Variants in KIAA1671 observed in about 807,000 individuals in gnomAD.
KIAA1671 encodes the protein uncharacterized protein KIAA1671.
A neutral mutation model predicts 131.2 loss-of-function variants in KIAA1671; 52 were observed. The ratio of observed to expected loss-of-function variants is 0.40; its 90% CI spans 0.32 to 0.50. The LOEUF (loss-of-function observed/expected upper bound fraction) is 0.50, where lower values mean the gene tolerates loss of function less well. KIAA1671 is among the 20% of genes least tolerant of loss of function. The pLI, the probability that KIAA1671 is intolerant of heterozygous loss-of-function variation, is 0.73. For synonymous variants in KIAA1671, 1,003 were observed against 961.6 expected (o/e 1.04, Z -0.80); for missense variants, 2,360 against 2,364.2 (o/e 1.00, Z 0.04).
chr22:25,030,621 T>C (rs1463752309), intron 3 of KIAA1671, among the ~76,000 whole-genome samples: 26 of 152,334 alleles, frequency 1.7e-4, no homozygotes, highest in Admixed American at 1.6e-3. Context: ...TGGTTAATAC[T>C]GATGTTCTAA....
intron 6 of KIAA1671, among the ~76,000 whole-genome samples, chr22:25,117,337 A>G (rs1931715255): frequency 6.6e-6 from 1 of 152,020 alleles, no homozygotes; most frequent in African/African-American, 2.4e-5. Context: ...GTGAATGGAG[A>G]AATCTGAAGC....
Position 25,029,306 on chromosome 22 carries a change from G to A in KIAA1671, c.1307G>A (p.Ser436Asn), listed in dbSNP as rs1172100428. Residue 436 changes from serine to asparagine, a missense_variant, in exon 3 of 13, where the codon AGT (serine) becomes AAT (asparagine). By Grantham distance (46) the Ser-to-Asn change is conservative (BLOSUM62 1). Coordinates refer to ENST00000358431, the MANE Select transcript of KIAA1671 (RefSeq NM_001145206.2). ...AAGGEWASRR[S>N]VRKCISLFRE... ...GGGGGAGAGTGGGCCTCCAGGAGGA[G>A]TGTCAGGAAGTGCATCAGCCTGTTT... 1.1e-5 allele frequency: 17 copies of A among 1,533,170 alleles called. No homozygotes were observed. Among genetic ancestry groups the A allele is most frequent in the Admixed American group, 6.0e-5 (3 of 49,738 alleles). The allele number at this position is 1,533,170 out of a possible 1,614,324, so 95.0% of individuals were successfully genotyped here.
intron 1 of KIAA1671, among the ~76,000 whole-genome samples, chr22:24,967,817 C>CCTGT (rs1181977499): frequency 6.6e-5 from 10 of 152,236 alleles, no homozygotes; most frequent in African/African-American, 2.2e-4. Flanking sequence ...ACGGTGAAAC[C>CCTGT]CTGTCTCTAC....
In KIAA1671 at chr22:25,039,097, C is replaced by G; in HGVS notation, c.1967C>G (p.Ser656Cys). 6.4e-7 allele frequency: 1 copy of G among 1,551,596 alleles called. No homozygotes were observed. The highest frequency in any genetic ancestry group is 8.7e-7 in the Non-Finnish European group (1 of 1,147,020). Reference sequence around the variant, plus strand: ...CCCAGGCCGAGGCCTGAGATGGGCTCTTGGCTGGGCAGGGACCCACCAGAC... The same window carrying G: ...CCCAGGCCGAGGCCTGAGATGGGCTGTTGGCTGGGCAGGGACCCACCAGAC... The part of the protein sequence containing the change: ...SEPRPRPEMG[S>C]WLGRDPPDMT... The change falls in exon 5 of 13, where the codon TCT (serine) becomes TGT (cysteine). Residue 656 changes from serine to cysteine, a missense_variant. Transcript: ENST00000358431.
At chr22:25,060,896 T>C (rs141320332) in intron 6 of KIAA1671, 1 of 152,302 alleles carries the variant, frequency 6.6e-6, no homozygotes, top group African/African-American at 2.4e-5. Context: ...ATCCAAATTT[T>C]CCATGACCAC....
chr22:25,074,272 AGGAGGGTGG>A (rs1382362291), intron 6 of KIAA1671, among the ~76,000 whole-genome samples: 2 of 151,342 alleles, frequency 1.3e-5, no homozygotes, highest in African/African-American at 4.8e-5. Context: ...TGGGAGGCCA[AGGAGGGTGG>A]ATCACTTGAA....
intron 11 of KIAA1671, among the ~76,000 whole-genome samples, chr22:25,189,025 G>A (rs1240235654): frequency 1.3e-5 from 2 of 152,066 alleles, no homozygotes; most frequent in African/African-American, 4.8e-5. Context: ...TGTGGAGGCA[G>A]GCAAGTCCCA....
intron 1 of KIAA1671, among the ~76,000 whole-genome samples, chr22:24,967,852 G>C (rs986582122): frequency 6.6e-6 from 1 of 152,164 alleles, no homozygotes; most frequent in Non-Finnish European, 1.5e-5. Flanking sequence ...ATTTAGCCGG[G>C]CGTGGTGGCG....
At chr22:24,979,824 A>G (rs1222972720) in intron 1 of KIAA1671, among the ~76,000 whole-genome samples, 1 of 152,026 alleles carries the variant, frequency 6.6e-6, no homozygotes, top group African/African-American at 2.4e-5. Context: ...CCACTGTTTT[A>G]TTTTCTTTCT....
Position 24,986,285 on chromosome 22 carries a change from G to A in KIAA1671, c.-208+33513G>A, listed in dbSNP as rs1366251962. On this transcript the variant is annotated intron_variant, in intron 1 of 12. Transcript: ENST00000358431. ...TTCCCTATGTAGTCAGTCTTCCCTC[G>A]GTATCTGTGGGAGACTGGGTTACGG... Among the ~76,000 whole-genome samples the A allele has an allele frequency of 2.0e-5, 3 of 152,048 alleles. No homozygotes were observed. In the East Asian group the frequency reaches 5.8e-4, roughly 29 times the overall value.
intron 5 of KIAA1671, among the ~76,000 whole-genome samples, chr22:25,042,641 T>C (rs1391494387): frequency 7.5e-6 from 1 of 132,530 alleles, no homozygotes; most frequent in Non-Finnish European, 1.7e-5. Context: ...TAATTTTTTG[T>C]ATTTTTTTTT....
chr22:25,144,199 C>T (rs1369683975), intron 6 of KIAA1671, among the ~76,000 whole-genome samples: 6 of 152,172 alleles, frequency 3.9e-5, no homozygotes, highest in Non-Finnish European at 5.9e-5. Flanking sequence ...TAAAATGCTT[C>T]AAGTTTTTCT....
rs1467690983 is a variant in KIAA1671 at position 25,029,300 on chromosome 22, G to A, written c.1301G>A (p.Arg434Lys). The A allele has an allele frequency of 3.3e-6, 5 of 1,528,538 alleles. No homozygotes were observed. In the East Asian group the frequency reaches 1.2e-4, roughly 38 times the overall value. The allele number at this position is 1,528,538 out of a possible 1,614,324, so 94.7% of individuals were successfully genotyped here. A position where few individuals can be genotyped will look rare whatever the true frequency, so the allele number is the denominator to read the frequency against. ...GCGGCAGGGGGAGAGTGGGCCTCCA[G>A]GAGGAGTGTCAGGAAGTGCATCAGC... ...EAAAGGEWAS[R>K]RSVRKCISLF... The change falls in exon 3 of 13, where the codon AGG (arginine) becomes AAG (lysine). Residue 434 changes from arginine to lysine, a missense_variant. This residue lies in a region of KIAA1671 where 1,185 missense variants were observed against 1,126.2 expected (regional missense o/e 1.05). Transcript: ENST00000358431.
At chr22:25,084,905 G>C (rs5752054) in intron 6 of KIAA1671, among the ~76,000 whole-genome samples, 98,277 of 152,180 alleles carry the variant, frequency 0.65, 32,691 homozygotes, top group African/African-American at 0.82. Context: ...TCCTGGTGGC[G>C]TGGGCTTCCT....
Position 25,174,449 on chromosome 22 carries a change from C to T in KIAA1671, c.4859C>T (p.Ala1620Val). The T allele has an allele frequency of 6.5e-7, 1 of 1,544,844 alleles. No individual in the cohort carries two copies. The change falls in exon 8 of 13, where the codon GCC becomes GTC. Residue 1620 changes from alanine to valine, a missense_variant. Coordinates refer to ENST00000358431, the MANE Select transcript of KIAA1671 (RefSeq NM_001145206.2). ...ATGGAGGGGCCGCCTCCACCGGACG[C>T]CTGCCCTGAAAAGAGAGTAGATGAC... ...DGMEGPPPPD[A>V]CPEKRVDDFS...
intron 6 of KIAA1671, among the ~76,000 whole-genome samples, chr22:25,142,894 G>T (rs1244565134): frequency 1.3e-5 from 2 of 152,132 alleles, no homozygotes; most frequent in African/African-American, 4.8e-5. Context: ...TAAACCAGGT[G>T]AATGAATCCA....
intron 2 of KIAA1671, among the ~76,000 whole-genome samples, chr22:25,026,999 C>A (rs1421889893): frequency 6.6e-6 from 1 of 152,050 alleles, no homozygotes; most frequent in East Asian, 1.9e-4. Flanking sequence ...CTAATTGTAC[C>A]CACTAAATAG....
chr22:25,029,370 A>G lies in KIAA1671; in HGVS notation c.1371A>G (p.Glu457=). ...DSTLALAVGS[E]SPLATPASPS... ...CCTTGGCCTTGGCAGTGGGGTCTGA[A>G]TCTCCCCTGGCCACCCCTGCGTCCC... is the stretch of plus-strand genomic sequence containing the variant. The change falls in exon 3 of 13, where the codon GAA becomes GAG. Residue 457 remains glutamate, a synonymous_variant. Transcript: ENST00000358431. 7 of 1,551,232 alleles carry G rather than the reference A, an allele frequency of 4.5e-6. No homozygotes were observed. Among genetic ancestry groups the G allele is most frequent in the South Asian group, 1.2e-5 (1 of 84,038 alleles).
At position 25,194,067 on chromosome 22, in the gene KIAA1671, A is replaced by T. The variant is rs1934750016; in HGVS notation, c.*1666A>T. 1 of 152,062 alleles carries T rather than the reference A, an allele frequency of 6.6e-6. No homozygotes were observed. The highest frequency in any genetic ancestry group is 2.1e-4 in the South Asian group (1 of 4,820). 9.4% of individuals were successfully genotyped at this position (152,062 alleles called of 1,614,324 possible). On this transcript the variant is annotated 3_prime_UTR_variant, in exon 13 of 13. Coordinates refer to ENST00000358431, the MANE Select transcript of KIAA1671 (RefSeq NM_001145206.2). ...CGTCAATAGGATCCCCTTTAAAAAT[A>T]CCCTGCTAGTGTTTTGTTTTGTTTT...
Sources: allele counts gnomAD v4.1 joint callset (sites outside exome capture counted in the v4.1 genomes callset), GRCh38; gene constraint gnomAD v4.1.1; regional missense constraint gnomAD v4.1.1; transcripts MANE v1.5; gene names NCBI Gene and HGNC (gene_info 2026-07-23, HGNC 2026-07-21).